RNF213: variants seen among roughly 807,000 people sequenced by gnomAD.
The protein encoded by RNF213 is E3 ubiquitin-protein ligase RNF213.
RNF213 carries 341 observed loss-of-function variants against 514.4 expected under a neutral mutation model. The observed-to-expected ratio is 0.66, with a 90% CI of 0.61 to 0.73. RNF213 has a LOEUF of 0.73. Among genes scored for constraint, RNF213 ranks in the 30% least tolerant of loss-of-function variants. The probability of loss-of-function intolerance (pLI) is 0.00; values close to 1 mark genes in which losing one functional copy is unlikely to be tolerated. For missense variants in RNF213, 5,767 were observed against 6,615.6 expected, an observed-to-expected ratio of 0.87 and a Z score of 4.45; for synonymous variants, 2,655 against 2,658.2, an observed-to-expected ratio of 1.00 and a Z score of 0.04.
intron 29 of RNF213, among the ~76,000 whole-genome samples, chr17:80,348,849 C>T (rs752002286): frequency 3.3e-5 from 5 of 152,092 alleles, no homozygotes; most frequent in Admixed American, 1.3e-4. Flanking sequence ...TGAGATGGGG[C>T]GATGAGGTGC....
In RNF213 at chr17:80,374,475, C is replaced by G. The variant is rs775020431; in HGVS notation, c.12960C>G (p.His4320Gln). 1.2e-6 allele frequency: 2 copies of G among 1,614,154 alleles called. No individual in the cohort carries two copies. The highest frequency in any genetic ancestry group is 2.2e-5 in the South Asian group (2 of 91,088). ...VVKQQGLRQDHPGQMDRYLVY... is the reference protein window; with the variant it reads ...VVKQQGLRQDQPGQMDRYLVY... Reference sequence around the variant, plus strand: ...TATTCCAGGGGCTGCGGCAGGACCACCCAGGCCAGATGGATAGGTACCTGG... The same window carrying G: ...TATTCCAGGGGCTGCGGCAGGACCAGCCAGGCCAGATGGATAGGTACCTGG... Residue 4320 changes from histidine (H) to glutamine (Q), a missense_variant, in exon 50 of 68, where the codon CAC becomes CAG. Physicochemically the swap from His to Gln is conservative, Grantham distance 24. This residue lies in a region of RNF213 where 1,245 missense variants were observed against 1,339.0 expected (regional missense o/e 0.93). Transcript: ENST00000582970.
intron 67 of RNF213, among the ~76,000 whole-genome samples, chr17:80,391,483 G>C (rs906539287): frequency 6.6e-6 from 1 of 152,072 alleles, no homozygotes; most frequent in Admixed American, 6.6e-5. Context: ...ACGTGGCCAG[G>C]CTGGTCTCGA....
At chr17:80,358,257 C>A (rs377018287) in intron 36 of RNF213, 31 bp from the exon 37 acceptor site, 5 of 1,608,302 alleles carry the variant, frequency 3.1e-6, no homozygotes, top group Non-Finnish European at 4.3e-6. Flanking sequence ...TCCTCTGACC[C>A]GTGGTGGCCC....
chr17:80,316,647 T>G, intron 15 of RNF213: 1 of 186,836 alleles, frequency 5.4e-6, no homozygotes, highest in Non-Finnish European at 1.1e-5. Flanking sequence ...TGCACTGGAG[T>G]TGCACAGGGA....
rs73442418 is a variant in RNF213, at chr17:80,269,673, C to G, written c.98-3568C>G. ...TCATCCATCAATCTATCCATCCATCCATTCATCTGTTCTATCTATGTATCT... is the reference window on the plus strand; with the variant it reads ...TCATCCATCAATCTATCCATCCATCGATTCATCTGTTCTATCTATGTATCT... On this transcript the variant is annotated intron_variant, in intron 2 of 67. Transcript: ENST00000582970. Among the ~76,000 whole-genome samples, 1,432 of 152,278 alleles carry G rather than the reference C, an allele frequency of 9.4e-3. 21 individuals are homozygous for G. The highest frequency in any genetic ancestry group is 0.032 in the African/African-American group (1,320 of 41,562).
chr17:80,274,110 G>GT (rs1598892629), intron 3 of RNF213, among the ~76,000 whole-genome samples: 1 of 152,118 alleles, frequency 6.6e-6, no homozygotes. Flanking sequence ...CTGGGTGCGT[G>GT]TCTTGCGCTT....
intron 47 of RNF213, 97 bp from the exon 48 acceptor site, chr17:80,372,419 TCTATC>T (rs2079551964): frequency 6.0e-6 from 5 of 830,600 alleles, no homozygotes; most frequent in South Asian, 3.0e-5. Context: ...GTAACATTCT[TCTATC>T]CTTCCTTCTC....
rs761422022 is a variant in RNF213, at chr17:80,383,887, G to T, written c.14281G>T (p.Gly4761Cys). 1.4e-5 allele frequency: 23 copies of T among 1,614,084 alleles called. No homozygotes were observed. Among genetic ancestry groups the T allele is most frequent in the African/African-American group, 2.7e-5 (2 of 74,924 alleles). ...CCAGCACATTGTGGAACAGAAAAAT[G>T]GCAAAGAAAGAGTGCCCATCCTCTG... ...YLQHIVEQKN[G>C]KERVPILWHF... Residue 4761 changes from glycine (G) to cysteine (C), a missense_variant, in exon 59 of 68, where the codon GGC (glycine) becomes TGC (cysteine). Transcript: ENST00000582970.
chr17:80,379,483 C>A, intron 54 of RNF213, 137 bp from the exon 55 acceptor site: 2 of 859,516 alleles, frequency 2.3e-6, no homozygotes, highest in East Asian at 2.5e-5. Flanking sequence ...TCCACCCACC[C>A]GAAACAAGCA....
In RNF213 at chr17:80,380,963, T is replaced by G; in HGVS notation, c.13773T>G (p.Leu4591=). The change falls in exon 56 of 68, where the codon CTT becomes CTG. Residue 4591 remains leucine, a synonymous_variant. Transcript: ENST00000582970. ...LIRLLTHLAL[L]LGASQSSQAL... ...GGCTACTCACTCACTTGGCTCTGCT[T>G]CTGGGAGCGTCCCAGAGTTCCCAGG... The G allele has an allele frequency of 6.2e-7, 1 of 1,614,208 alleles. No individual in the cohort carries two copies. The highest frequency in any genetic ancestry group is 8.5e-7 in the Non-Finnish European group (1 of 1,180,042).
At chr17:80,307,337 TC>T in intron 13 of RNF213, 136 bp downstream of exon 13, 2 of 702,898 alleles carry the variant, frequency 2.8e-6, no homozygotes, top group Non-Finnish European at 5.1e-6. Context: ...CCACTTCTCT[TC>T]TCAGGTTATT....
intron 59 of RNF213, among the ~76,000 whole-genome samples, chr17:80,384,330 G>A (rs938982349): frequency 6.6e-6 from 1 of 152,216 alleles, no homozygotes; most frequent in African/African-American, 2.4e-5. Context: ...CGAGGCGTAC[G>A]TGGAAGACGG....
chr17:80,352,865 C>G, intron 32 of RNF213, 75 bp from the exon 33 acceptor site: 1 of 1,603,886 alleles, frequency 6.2e-7, no homozygotes, highest in Non-Finnish European at 8.5e-7. Flanking sequence ...CCAGGGTGTG[C>G]AATGTCCCTG....
In RNF213 at chr17:80,265,044, G is replaced by GTTTTTT. The variant is rs55814957; in HGVS notation, c.97+1278_97+1283dup. Among the ~76,000 whole-genome samples the GTTTTTT allele has an allele frequency of 6.5e-4, 72 of 110,848 alleles. 1 individual carries two copies. The highest frequency in any genetic ancestry group is 1.1e-3 in the South Asian group (4 of 3,574). The allele number at this position is 110,848 out of a possible 152,430, so 72.7% of individuals were successfully genotyped here. A position where few individuals can be genotyped will look rare whatever the true frequency, so the allele number is the denominator to read the frequency against. Reference sequence around the variant, plus strand: ...AGCCCCAGTCCTTCCATGTTTGTTTGTTTTTTTTTTTTTTTTTAGAGGGAG... The same window carrying GTTTTTT: ...AGCCCCAGTCCTTCCATGTTTGTTTGTTTTTTTTTTTTTTTTTTTTTTTAGAGGGAG... On this transcript the variant is annotated intron_variant, in intron 2 of 67. Coordinates refer to ENST00000582970, the MANE Select transcript of RNF213 (RefSeq NM_001256071.3).
intron 6 of RNF213, among the ~76,000 whole-genome samples, chr17:80,290,102 C>A (rs2044636873): frequency 6.6e-6 from 1 of 152,226 alleles, no homozygotes. Flanking sequence ...GGCCCAGACA[C>A]CTGCTGGTGC....
intron 58 of RNF213, 23 bp downstream of exon 58, chr17:80,383,093 T>C (rs903215012): frequency 3.8e-6 from 6 of 1,563,300 alleles, no homozygotes; most frequent in Admixed American, 3.3e-5. Flanking sequence ...TGCTGACAGC[T>C]GGGTTGCTCC....
chr17:80,363,005 C>G (rs555483395), intron 39 of RNF213, 97 bp from the exon 40 acceptor site: 65 of 1,181,514 alleles, frequency 5.5e-5, no homozygotes, highest in Middle Eastern at 2.6e-4. Flanking sequence ...TTCTAATTTC[C>G]TCTTTTATGG....
Position 80,343,448 on chromosome 17 carries a change from A to T in RNF213, c.6183+123A>T. 1 of 905,560 alleles carries T rather than the reference A, an allele frequency of 1.1e-6. No individual in the cohort carries two copies. The highest frequency in any genetic ancestry group is 1.8e-6 in the Non-Finnish European group (1 of 568,548). 56.1% of individuals were successfully genotyped at this position (905,560 alleles called of 1,614,324 possible). A position where few individuals can be genotyped will look rare whatever the true frequency, so the allele number is the denominator to read the frequency against. ...CACACGCACAGTCCTGTGAAGCTTA[A>T]CAGTGGGAATGTGCTCTGAGAAGTG... On this transcript the variant is annotated intron_variant, in intron 27 of 67. Transcript: ENST00000582970. This position sits in a 1 kb window ranked among gnomAD's most constrained non-coding sequence, Gnocchi z 4.3.
chr17:80,275,744 C>T (rs1217837584), intron 3 of RNF213, among the ~76,000 whole-genome samples: 1 of 152,090 alleles, frequency 6.6e-6, no homozygotes, highest in African/African-American at 2.4e-5. Context: ...TCAACTGCAA[C>T]CTTTGCCTCC....
Sources: gnomAD v4.1 joint callset for allele counts (sites outside exome capture counted in the v4.1 genomes callset) on GRCh38, gnomAD v4.1.1 for gene constraint, gnomAD v4.1.1 regional missense constraint, Gnocchi (gnomAD v3.1) non-coding constraint, MANE v1.5 for transcripts, NCBI Gene and HGNC (gene_info 2026-07-23, HGNC 2026-07-21) for gene names.